The following DOCK9 variants were observed in gnomAD, a reference collection of about 807,000 sequenced individuals.
The protein encoded by DOCK9 is dedicator of cytokinesis protein 9.
Under a neutral mutation model 263.3 loss-of-function variants are expected in DOCK9, and 89 were observed. The ratio of observed to expected loss-of-function variants is 0.34; its 90% CI spans 0.28 to 0.40. The LOEUF (loss-of-function observed/expected upper bound fraction) is 0.40, where lower values mean the gene tolerates loss of function less well. Among genes scored for constraint, DOCK9 ranks in the 10% least tolerant of loss-of-function variants. The pLI is 1.00. For synonymous variants in DOCK9, 976 were observed against 973.1 expected, an observed-to-expected ratio of 1.00 and a Z score of -0.06; for missense variants, 2,140 against 2,603.4, an observed-to-expected ratio of 0.82 and a Z score of 3.87.
intron 1 of DOCK9, among the ~76,000 whole-genome samples, chr13:99,035,891 G>A (rs77317336): frequency 0.016 from 2,400 of 152,186 alleles, 65 homozygotes; most frequent in African/African-American, 0.054. Context: ...TAATCTGGGA[G>A]GGCCTCATCC....
At chr13:98,917,287 G>C (rs936474864) in intron 7 of DOCK9, among the ~76,000 whole-genome samples, 3 of 152,192 alleles carry the variant, frequency 2.0e-5, no homozygotes, top group Non-Finnish European at 4.4e-5. Flanking sequence ...AATACATTTA[G>C]TTTTGCTTTA....
At chr13:98,902,944 A>T (rs1402161997) in intron 11 of DOCK9, 28 bp downstream of exon 11, 2 of 1,480,428 alleles carry the variant, frequency 1.4e-6, no homozygotes, top group African/African-American at 1.4e-5. Context: ...TTTTTTTTTT[A>T]ATGTTTATTT....
upstream of DOCK9, among the ~76,000 whole-genome samples, chr13:98,980,050 G>C (rs1053033841): frequency 6.6e-6 from 1 of 152,214 alleles, no homozygotes; most frequent in Admixed American, 6.5e-5. Flanking sequence ...GTTTGAGACA[G>C]GGTCTTGCTC....
Position 98,911,486 on chromosome 13 carries a change from C to T in DOCK9, c.960+2842G>A, listed in dbSNP as rs73560644. On this transcript the variant is annotated intron_variant, in intron 9 of 52. Coordinates refer to ENST00000682017, the MANE Select transcript of DOCK9 (RefSeq NM_001366683.2). ...ATACATAATAGCACACTAAGAAAAA[C>T]AAATATCTTTTATATCACTATGCAA... Among the ~76,000 whole-genome samples the T allele has an allele frequency of 3.9e-3, 589 of 152,190 alleles. 1 individual carries two copies. The highest frequency in any genetic ancestry group is 0.013 in the African/African-American group (548 of 41,512).
intron 2 of DOCK9, 28 bp downstream of exon 2, chr13:98,955,407 C>T (rs573786678): frequency 6.8e-7 from 1 of 1,467,376 alleles, no homozygotes; most frequent in East Asian, 2.4e-5. Flanking sequence ...ACACGTGGTT[C>T]TACGGATAGA....
chr13:98,975,361 C>CA (rs759586261), intron 1 of DOCK9, among the ~76,000 whole-genome samples: 4,103 of 123,210 alleles, frequency 0.033, 164 homozygotes, highest in African/African-American at 0.11. Context: ...GACTTTGTCT[C>CA]AAAAAAAAAA....
At chr13:98,964,288 T>G (rs1245937011) in intron 1 of DOCK9, among the ~76,000 whole-genome samples, 1 of 152,208 alleles carries the variant, frequency 6.6e-6, no homozygotes, top group Non-Finnish European at 1.5e-5. Context: ...TTGTATTTGC[T>G]GCTTTCTCCA....
intron 2 of DOCK9, among the ~76,000 whole-genome samples, chr13:98,938,705 A>G (rs2140467376): frequency 1.1e-5 from 1 of 87,920 alleles, no homozygotes; most frequent in South Asian, 4.5e-4. Context: ...AACTCATGGC[A>G]CTGGATTTTT....
chr13:98,984,615 T>C (rs1344836908), intron 1 of DOCK9, among the ~76,000 whole-genome samples: 4 of 152,216 alleles, frequency 2.6e-5, no homozygotes, highest in African/African-American at 9.7e-5. Flanking sequence ...TTCTGCAAGT[T>C]TTCTGCAAAA....
intron 1 of DOCK9, among the ~76,000 whole-genome samples, chr13:99,008,234 A>ATATATAT (rs1233268084): frequency 6.0e-4 from 56 of 94,024 alleles, no homozygotes; most frequent in Non-Finnish European, 7.4e-4. Context: ...ATATATATAT[A>ATATATAT]TTTTTTTTTT....
At position 98,810,157 on chromosome 13, in the gene DOCK9, G is replaced by A. The variant is rs1186757551; in HGVS notation, c.5253+12C>T. 1 of 1,613,744 alleles carries A rather than the reference G, an allele frequency of 6.2e-7. No homozygotes were observed. On this transcript the variant is annotated intron_variant, in intron 46 of 52. Coordinates refer to ENST00000682017, the MANE Select transcript of DOCK9 (RefSeq NM_001366683.2). Reference sequence around the variant, plus strand: ...TCTCAAATAGGAAAAAAACAAAAAGGCACTCTCATACCTCAAAATCCCTCC... The same window carrying A: ...TCTCAAATAGGAAAAAAACAAAAAGACACTCTCATACCTCAAAATCCCTCC...
Position 98,849,038 on chromosome 13 carries a change from G to A in DOCK9, c.4014-399C>T, listed in dbSNP as rs2093479016. ...ATCCTCATTTACATCTATATAAGGA[G>A]CTCTCTCTTTTGGCTCAAATATATG... On this transcript the variant is annotated intron_variant, in intron 36 of 52. Coordinates refer to ENST00000682017, the MANE Select transcript of DOCK9 (RefSeq NM_001366683.2). Among the ~76,000 whole-genome samples, 3 of 152,134 alleles carry A rather than the reference G, an allele frequency of 2.0e-5. No individual in the cohort carries two copies. The South Asian group carries it at 6.2e-4, about 31-fold the overall frequency.
chr13:98,981,491 C>A (rs1877191909), upstream of DOCK9, among the ~76,000 whole-genome samples: 1 of 152,210 alleles, frequency 6.6e-6, no homozygotes. Flanking sequence ...ATTTCCTACT[C>A]CCATCTCAGA....
At chr13:98,887,399 AC>A (rs1402912234) in intron 18 of DOCK9, among the ~76,000 whole-genome samples, 11 of 150,810 alleles carry the variant, frequency 7.3e-5, no homozygotes, top group African/African-American at 2.7e-4. Context: ...GGCAGATCAC[AC>A]GGTCAGGAGA....
intron 1 of DOCK9, among the ~76,000 whole-genome samples, chr13:98,968,346 C>T (rs9557103): frequency 0.19 from 28,540 of 152,006 alleles, 3,442 homozygotes; most frequent in East Asian, 0.46. Context: ...TTTGACCAGG[C>T]GTGGTGGCTC....
chr13:98,911,001 G>T (rs1456529318), intron 9 of DOCK9, among the ~76,000 whole-genome samples: 2 of 152,122 alleles, frequency 1.3e-5, no homozygotes, highest in Admixed American at 1.3e-4. Context: ...CCTGAAGGGG[G>T]ATGATAAACA....
At chr13:98,903,331 C>A (rs561695322) in intron 10 of DOCK9, among the ~76,000 whole-genome samples, 19 of 152,098 alleles carry the variant, frequency 1.2e-4, no homozygotes, top group Non-Finnish European at 2.4e-4. Flanking sequence ...CGGTGGCTCA[C>A]GCCTGTAATT....
At chr13:99,053,856 C>A (rs1193287197) in intron 1 of DOCK9, among the ~76,000 whole-genome samples, 4 of 152,122 alleles carry the variant, frequency 2.6e-5, no homozygotes, top group Non-Finnish European at 5.9e-5. Context: ...CCCTCACTCA[C>A]CCTCCTACTC....
At chr13:98,932,789 G>A (rs2054175922) in intron 2 of DOCK9, among the ~76,000 whole-genome samples, 2 of 152,100 alleles carry the variant, frequency 1.3e-5, no homozygotes, top group Non-Finnish European at 2.9e-5. Flanking sequence ...CTAAAGGAGT[G>A]GAAGAAATGA....
Sources: allele counts gnomAD v4.1 joint callset (sites outside exome capture counted in the v4.1 genomes callset), GRCh38; gene constraint gnomAD v4.1.1; transcripts MANE v1.5; gene names NCBI Gene and HGNC (gene_info 2026-07-23, HGNC 2026-07-21).